Variants in CNTNAP2 observed in about 807,000 individuals in gnomAD.
The protein encoded by CNTNAP2 is contactin-associated protein-like 2.
In CNTNAP2, 98 loss-of-function variants were observed where a neutral mutation model predicts 155.2. The ratio of observed to expected loss-of-function variants is 0.63; its 90% CI spans 0.54 to 0.75. The LOEUF (loss-of-function observed/expected upper bound fraction) is 0.75. Among genes scored for constraint, CNTNAP2 ranks in the 30% least tolerant of loss-of-function variants. The probability of loss-of-function intolerance (pLI) is 0.00; values close to 1 mark genes in which losing one functional copy is unlikely to be tolerated. For missense variants in CNTNAP2, 1,727 were observed against 1,688.1 expected, an observed-to-expected ratio of 1.02 and a Z score of -0.40; for synonymous variants, 651 against 631.2, an observed-to-expected ratio of 1.03 and a Z score of -0.47.
intron 1 of CNTNAP2, among the ~76,000 whole-genome samples, chr7:146,196,561 G>C (rs916436464): frequency 6.6e-6 from 1 of 151,684 alleles, no homozygotes; most frequent in Admixed American, 6.6e-5. Flanking sequence ...AGGAGGGAGG[G>C]AGGGAGAGAG....
chr7:146,343,764 G>A (rs1253459267), intron 1 of CNTNAP2, among the ~76,000 whole-genome samples: 1 of 151,898 alleles, frequency 6.6e-6, no homozygotes, highest in African/African-American at 2.4e-5. Context: ...TTAAATTATT[G>A]CTTATTTTTT....
chr7:146,607,803 T>G lies in CNTNAP2; in HGVS notation c.98-166468T>G, dbSNP rs1183056523. On this transcript the variant is annotated intron_variant, in intron 1 of 23. Coordinates refer to ENST00000361727, the MANE Select transcript of CNTNAP2 (RefSeq NM_014141.6). The stretch of plus-strand genomic sequence containing the variant: ...TTCACCATCTTTCTTCTTAAATCAC[T>G]TATTAACTTGGGATTTGTCACAATT... Among the ~76,000 whole-genome samples the G allele has an allele frequency of 5.3e-5, 8 of 152,130 alleles. No homozygotes were observed. In the East Asian group the frequency reaches 1.5e-3, roughly 29 times the overall value.
intron 12 of CNTNAP2, among the ~76,000 whole-genome samples, chr7:147,637,750 G>A (rs1795205315): frequency 6.6e-6 from 1 of 152,084 alleles, no homozygotes; most frequent in African/African-American, 2.4e-5. Context: ...TTTATCAATA[G>A]TACATTACGT....
intron 20 of CNTNAP2, among the ~76,000 whole-genome samples, chr7:148,260,938 A>T (rs1796548257): frequency 6.6e-6 from 1 of 152,248 alleles, no homozygotes. Flanking sequence ...TGAAAAAGTA[A>T]CTAACTATAT....
chr7:146,502,133 A>G (rs529597214), intron 1 of CNTNAP2, among the ~76,000 whole-genome samples: 2 of 150,478 alleles, frequency 1.3e-5, no homozygotes, highest in East Asian at 2.0e-4. Flanking sequence ...TTTATTTACC[A>G]TAATGTCTAT....
intron 1 of CNTNAP2, among the ~76,000 whole-genome samples, chr7:146,343,312 T>C (rs1329326366): frequency 1.3e-5 from 2 of 152,180 alleles, no homozygotes; most frequent in Admixed American, 6.5e-5. Context: ...AATCTGAGGT[T>C]TGACAAGAGT....
In CNTNAP2 at chr7:147,691,359, A is replaced by G. The variant is rs117246598; in HGVS notation, c.2098+52053A>G. On this transcript the variant is annotated intron_variant, in intron 13 of 23. Transcript: ENST00000361727. ...AAACCCTGATTTGCAGCATTTGTCA[A>G]TTTCCATGGTATAAATATTCCCTGT... 1.5e-3 allele frequency among the ~76,000 whole-genome samples: 226 copies of G among 152,272 alleles called. 3 individuals are homozygous for G. In the East Asian group the frequency reaches 0.031, roughly 21 times the overall value.
chr7:146,603,004 G>A (rs942848015), intron 1 of CNTNAP2, among the ~76,000 whole-genome samples: 7 of 151,626 alleles, frequency 4.6e-5, no homozygotes, highest in African/African-American at 1.7e-4. Flanking sequence ...GATACAATTA[G>A]AGTGTGTAAC....
At chr7:147,504,784 T>G (rs1798878416) in intron 11 of CNTNAP2, among the ~76,000 whole-genome samples, 1 of 150,784 alleles carries the variant, frequency 6.6e-6, no homozygotes, top group Admixed American at 6.6e-5. Flanking sequence ...ATATCGAGAT[T>G]GTATTTTTTG....
chr7:146,799,478 T>G (rs1301042069), intron 2 of CNTNAP2, among the ~76,000 whole-genome samples: 1 of 152,250 alleles, frequency 6.6e-6, no homozygotes, highest in Non-Finnish European at 1.5e-5. Context: ...AGTTTCTTTA[T>G]GCACATTCGA....
chr7:148,107,046 C>T (rs1209504395), intron 15 of CNTNAP2, among the ~76,000 whole-genome samples: 1 of 152,124 alleles, frequency 6.6e-6, no homozygotes, highest in Non-Finnish European at 1.5e-5. Context: ...ATGTGGAGAG[C>T]CTGAAGAGCT....
intron 21 of CNTNAP2, among the ~76,000 whole-genome samples, chr7:148,330,868 A>T (rs1797984606): frequency 6.9e-6 from 1 of 145,602 alleles, no homozygotes; most frequent in Non-Finnish European, 1.5e-5. Flanking sequence ...GGATGGACGG[A>T]TGGAGTGGCT....
In CNTNAP2 at chr7:147,060,094, C is replaced by A. The variant is rs11763998; in HGVS notation, c.550+16040C>A. On this transcript the variant is annotated intron_variant, in intron 4 of 23. Coordinates refer to ENST00000361727, the MANE Select transcript of CNTNAP2 (RefSeq NM_014141.6). ...AGGACAAAATAATTTTTTGTTTATT[C>A]ATTCAATCACTAAGTGTAAAAATAA... is the stretch of plus-strand genomic sequence containing the variant. Among the ~76,000 whole-genome samples, 901 of 151,944 alleles carry A rather than the reference C, an allele frequency of 5.9e-3. 3 individuals carry two copies. The highest frequency in any genetic ancestry group is 9.8e-3 in the Non-Finnish European group (666 of 67,978).
chr7:146,748,804 G>A (rs1023888676), intron 1 of CNTNAP2, among the ~76,000 whole-genome samples: 11 of 152,046 alleles, frequency 7.2e-5, no homozygotes, highest in Non-Finnish European at 1.6e-4. Context: ...ATTCAAATTG[G>A]GTAGCAGACT....
At chr7:146,181,275 G>A (rs969830400) in intron 1 of CNTNAP2, among the ~76,000 whole-genome samples, 1 of 152,092 alleles carries the variant, frequency 6.6e-6, no homozygotes, top group Non-Finnish European at 1.5e-5. Flanking sequence ...TAGGATTTAG[G>A]AGAGTTGGGT....
At position 146,320,722 on chromosome 7, in the gene CNTNAP2, A is replaced by AT. The variant is rs1346920821; in HGVS notation, c.97+203755dup. 2.6e-5 allele frequency among the ~76,000 whole-genome samples: 4 copies of AT among 152,242 alleles called. No homozygotes were observed. The East Asian group carries it at 7.7e-4, about 29-fold the overall frequency. ...CAAGTATAAAATAATACAGAAAGGG[A>AT]TTTTTTATTTCCACTGATACAATTC... On this transcript the variant is annotated intron_variant, in intron 1 of 23. Coordinates refer to ENST00000361727, the MANE Select transcript of CNTNAP2 (RefSeq NM_014141.6).
chr7:146,470,213 C>T (rs1315682930), intron 1 of CNTNAP2, among the ~76,000 whole-genome samples: 1 of 152,106 alleles, frequency 6.6e-6, no homozygotes, highest in Non-Finnish European at 1.5e-5. Flanking sequence ...TTGTAAACAT[C>T]ATGTTTTATT....
At chr7:147,882,053 G>A (rs546563788) in intron 13 of CNTNAP2, among the ~76,000 whole-genome samples, 1 of 151,938 alleles carries the variant, frequency 6.6e-6, no homozygotes, top group South Asian at 2.1e-4. Flanking sequence ...ACCGAGAAGA[G>A]GTGTGAATAA....
intron 13 of CNTNAP2, among the ~76,000 whole-genome samples, chr7:147,891,533 A>T (rs549696759): frequency 6.6e-6 from 1 of 152,312 alleles, no homozygotes; most frequent in African/African-American, 2.4e-5. Context: ...AGACTAACAA[A>T]ATCAATAAAC....
Sources: gnomAD v4.1 joint callset for allele counts (sites outside exome capture counted in the v4.1 genomes callset) on GRCh38, gnomAD v4.1.1 for gene constraint, MANE v1.5 for transcripts, NCBI Gene and HGNC (gene_info 2026-07-23, HGNC 2026-07-21) for gene names.